The following CSMD1 variants were observed in gnomAD, a reference collection of about 807,000 sequenced individuals.
CSMD1 encodes CUB and Sushi multiple domains 1, also known as CUB and sushi domain-containing protein 1.
Under a neutral mutation model 417.5 loss-of-function variants are expected in CSMD1, and 213 were observed. The observed-to-expected ratio is 0.51, with a 90% CI of 0.46 to 0.57. CSMD1 has a LOEUF of 0.57. Ranked by LOEUF, CSMD1 falls within the 20% of genes least tolerant of loss-of-function variation. The pLI is 0.00. For missense variants in CSMD1, 6,923 were observed against 4,529.7 expected (o/e 1.53, Z -15.17); for synonymous variants, 2,862 against 1,736.8 (o/e 1.65, Z -16.11).
intron 3 of CSMD1, among the ~76,000 whole-genome samples, chr8:4,099,135 T>C (rs1801172435): frequency 6.6e-6 from 1 of 151,906 alleles, no homozygotes; most frequent in Non-Finnish European, 1.5e-5. Context: ...AGTGGATTCC[T>C]TCTTTCAGGC....
At chr8:3,812,673 T>C (rs945053971) in intron 5 of CSMD1, among the ~76,000 whole-genome samples, 1 of 152,132 alleles carries the variant, frequency 6.6e-6, no homozygotes, top group African/African-American at 2.4e-5. Context: ...AAGGAAGAGA[T>C]TGCAACGCAT....
intron 3 of CSMD1, among the ~76,000 whole-genome samples, chr8:4,350,501 CG>C (rs1801028755): frequency 6.6e-6 from 1 of 152,136 alleles, no homozygotes; most frequent in South Asian, 2.1e-4. Flanking sequence ...GTAAGATCAC[CG>C]CAGCAGTGAG....
Position 3,686,684 on chromosome 8 carries a change from T to C in CSMD1, c.1009+21730A>G, listed in dbSNP as rs535780420. On this transcript the variant is annotated intron_variant, in intron 7 of 69. Coordinates refer to ENST00000635120, the MANE Select transcript of CSMD1 (RefSeq NM_033225.6). Reference sequence around the variant, plus strand: ...TAACACTTATCCACCTGGTCACTTCTCTAGCCGATCCCTTACCCTCGCCCA... The same window carrying C: ...TAACACTTATCCACCTGGTCACTTCCCTAGCCGATCCCTTACCCTCGCCCA... Among the ~76,000 whole-genome samples the C allele has an allele frequency of 3.9e-4, 59 of 152,330 alleles. No individual in the cohort carries two copies. In the South Asian group the frequency reaches 0.011, roughly 28 times the overall value.
At chr8:3,818,927 C>G (rs1801555330) in intron 5 of CSMD1, among the ~76,000 whole-genome samples, 1 of 152,192 alleles carries the variant, frequency 6.6e-6, no homozygotes, top group South Asian at 2.1e-4. Flanking sequence ...CACACTCACT[C>G]ACACTCACAC....
chr8:4,971,657 C>A (rs148774141), intron 1 of CSMD1, among the ~76,000 whole-genome samples: 1 of 149,762 alleles, frequency 6.7e-6, no homozygotes, highest in African/African-American at 2.5e-5. Flanking sequence ...TTCTTACTTC[C>A]TTGCACACAT....
intron 30 of CSMD1, among the ~76,000 whole-genome samples, chr8:3,207,255 T>C (rs1797351255): frequency 6.7e-6 from 1 of 150,274 alleles, no homozygotes; most frequent in Non-Finnish European, 1.5e-5. Context: ...CAAACGATTC[T>C]CTTGCCTCAG....
chr8:3,382,639 C>A (rs565215052), intron 18 of CSMD1, among the ~76,000 whole-genome samples: 19 of 144,566 alleles, frequency 1.3e-4, no homozygotes, highest in African/African-American at 2.2e-4. Context: ...ATATCTCTCT[C>A]TATATAGAGA....
chr8:3,343,348 C>G lies in CSMD1; in HGVS notation c.3577G>C (p.Glu1193Gln). The stretch of plus-strand genomic sequence containing the variant: ...GTGTCAGATCCATTGGTGTTGAACT[C>G]TAGCCACAGGTGATTGGATGTGCTG... Reference protein sequence around the residue: ...LNSTSNHLWLEFNTNGSDTDQ... With the variant: ...LNSTSNHLWLQFNTNGSDTDQ... Residue 1193 changes from glutamate to glutamine, a missense_variant, in exon 23 of 70, where the codon GAG (glutamate) becomes CAG (glutamine). By Grantham distance (29) the Glu-to-Gln change is conservative. Coordinates refer to ENST00000635120, the MANE Select transcript of CSMD1 (RefSeq NM_033225.6). 3 of 1,613,844 alleles carry G rather than the reference C, an allele frequency of 1.9e-6. No individual in the cohort carries two copies. Among genetic ancestry groups the G allele is most frequent in the Middle Eastern group, 3.3e-4 (2 of 6,062 alleles).
chr8:3,646,254 G>A lies in CSMD1; in HGVS notation c.1010-29457C>T, dbSNP rs977843842. 4.6e-5 allele frequency among the ~76,000 whole-genome samples: 7 copies of A among 152,196 alleles called. No homozygotes were observed. In the South Asian group the frequency reaches 1.2e-3, roughly 27 times the overall value. On this transcript the variant is annotated intron_variant, in intron 7 of 69. Coordinates refer to ENST00000635120, the MANE Select transcript of CSMD1 (RefSeq NM_033225.6). ...GTACATAGAAAAAGAAACGTGATAT[G>A]CTGAGATGTTAACTGTAATTTTTCT...
At chr8:3,411,910 G>A (rs1585124922) in intron 12 of CSMD1, among the ~76,000 whole-genome samples, 1 of 123,388 alleles carries the variant, frequency 8.1e-6, no homozygotes, top group Non-Finnish European at 1.7e-5. Context: ...ATATATACAC[G>A]TATATATGCA....
intron 7 of CSMD1, among the ~76,000 whole-genome samples, chr8:3,636,537 C>T (rs374851032): frequency 2.6e-5 from 4 of 152,176 alleles, no homozygotes; most frequent in Non-Finnish European, 5.9e-5. Flanking sequence ...ACTTAACCTA[C>T]CATCTGTTCC....
chr8:3,637,631 C>G (rs956005966), intron 7 of CSMD1, among the ~76,000 whole-genome samples: 1 of 152,106 alleles, frequency 6.6e-6, no homozygotes, highest in Non-Finnish European at 1.5e-5. Context: ...ACTGTTGGCA[C>G]TATTAAAGTC....
chr8:4,738,320 TA>T (rs1482642531), intron 1 of CSMD1, among the ~76,000 whole-genome samples: 1 of 152,220 alleles, frequency 6.6e-6, no homozygotes, highest in Non-Finnish European at 1.5e-5. Flanking sequence ...CTTAATTGAC[TA>T]ACATTTCAGC....
intron 4 of CSMD1, among the ~76,000 whole-genome samples, chr8:4,027,930 G>C (rs1797147681): frequency 1.3e-5 from 2 of 152,008 alleles, no homozygotes; most frequent in African/African-American, 4.8e-5. Flanking sequence ...TGGAAATAAT[G>C]GTAGAAATAA....
chr8:3,052,655 G>T lies in CSMD1; in HGVS notation c.7475-8C>A. ...GGATTCCACAGGACACAGCTGAAAA[G>T]AAATGAAACAAATGTAGGCTTATTC... On this transcript the variant is annotated splice_polypyrimidine_tract_variant and splice_region_variant and intron_variant, in intron 49 of 69. Coordinates refer to ENST00000635120, the MANE Select transcript of CSMD1 (RefSeq NM_033225.6). The T allele has an allele frequency of 6.3e-7, 1 of 1,577,250 alleles. No individual in the cohort carries two copies. The highest frequency in any genetic ancestry group is 8.6e-7 in the Non-Finnish European group (1 of 1,162,356).
chr8:4,413,041 A>T (rs1454083002), intron 3 of CSMD1, among the ~76,000 whole-genome samples: 1 of 152,200 alleles, frequency 6.6e-6, no homozygotes, highest in Non-Finnish European at 1.5e-5. Context: ...CTTTCCAGAA[A>T]AATAGACTTA....
intron 10 of CSMD1, among the ~76,000 whole-genome samples, chr8:3,541,527 C>T (rs988002542): frequency 6.8e-6 from 1 of 148,028 alleles, no homozygotes; most frequent in Non-Finnish European, 1.5e-5. Context: ...TTCTGGAACT[C>T]AAAATAAAAA....
intron 26 of CSMD1, among the ~76,000 whole-genome samples, chr8:3,245,701 A>G (rs943565738): frequency 6.6e-6 from 1 of 152,144 alleles, no homozygotes; most frequent in Admixed American, 6.5e-5. Flanking sequence ...TTTTTTCTTC[A>G]TATAAAACCA....
chr8:4,134,762 C>A (rs774313753), intron 3 of CSMD1, among the ~76,000 whole-genome samples: 1 of 152,192 alleles, frequency 6.6e-6, no homozygotes, highest in Non-Finnish European at 1.5e-5. Context: ...CAATATACCC[C>A]TTCTGAGCCA....
Sources: gnomAD v4.1 joint callset for allele counts (sites outside exome capture counted in the v4.1 genomes callset) on GRCh38, gnomAD v4.1.1 for gene constraint, MANE v1.5 for transcripts, NCBI Gene and HGNC (gene_info 2026-07-23, HGNC 2026-07-21) for gene names.